Variants in CRISPLD1 observed in about 807,000 individuals in gnomAD.
CRISPLD1 encodes the protein cysteine rich secretory protein LCCL domain containing 1.
Under a neutral mutation model 77.5 loss-of-function variants are expected in CRISPLD1, and 60 were observed. The ratio of observed to expected loss-of-function variants is 0.77; its 90% CI spans 0.63 to 0.96. CRISPLD1 has a LOEUF of 0.96. Among genes scored for constraint, CRISPLD1 ranks in the 40% least tolerant of loss-of-function variants. CRISPLD1 has a pLI of 0.00. For missense variants in CRISPLD1, 623 were observed against 615.8 expected, an observed-to-expected ratio of 1.01 and a Z score of -0.12; for synonymous variants, 195 against 200.1, an observed-to-expected ratio of 0.97 and a Z score of 0.22.
In CRISPLD1 at chr8:75,012,904, C is replaced by A; in HGVS notation, c.392C>A (p.Thr131Lys). 1 of 1,611,498 alleles carries A rather than the reference C, an allele frequency of 6.2e-7. No individual in the cohort carries two copies. The highest frequency in any genetic ancestry group is 8.5e-7 in the Non-Finnish European group (1 of 1,178,620). Residue 131 changes from threonine (T) to lysine (K), a missense_variant, in exon 4 of 15, where the codon ACG (threonine) becomes AAG (lysine). Thr to Lys is a moderately conservative substitution (Grantham distance 78). Transcript: ENST00000262207. ...CTTTCTAATAGATATAGGCCCCCGA[C>A]GTTTCATGTACAATCGTGGTATGAT... ...GAHWGRYRPP[T>K]FHVQSWYDEV...
At chr8:75,002,494 A>G (rs896452706) in intron 2 of CRISPLD1, among the ~76,000 whole-genome samples, 2 of 151,212 alleles carry the variant, frequency 1.3e-5, no homozygotes, top group Admixed American at 6.6e-5. Context: ...AACAGTAAAA[A>G]AAAAAATAAT....
In CRISPLD1 at chr8:75,034,174, A is replaced by G. The variant is rs1229146373; in HGVS notation, c.*1932A>G. 2.6e-5 allele frequency: 4 copies of G among 152,096 alleles called. No individual in the cohort carries two copies. Among genetic ancestry groups the G allele is most frequent in the African/African-American group, 7.2e-5 (3 of 41,450 alleles). The allele number at this position is 152,096 out of a possible 1,614,324, so 9.4% of individuals were successfully genotyped here. On this transcript the variant is annotated 3_prime_UTR_variant, in exon 15 of 15. Coordinates refer to ENST00000262207, the MANE Select transcript of CRISPLD1 (RefSeq NM_031461.6). ...GTTTTCATTGCTGAAGAAAAACCAAACATTCTTGTAAAAACATTTAAGAAC... is the reference window on the plus strand; with the variant it reads ...GTTTTCATTGCTGAAGAAAAACCAAGCATTCTTGTAAAAACATTTAAGAAC...
intron 2 of CRISPLD1, among the ~76,000 whole-genome samples, chr8:74,989,760 T>A (rs760282914): frequency 3.9e-5 from 6 of 152,144 alleles, no homozygotes; most frequent in Non-Finnish European, 8.8e-5. Context: ...GCACCATTGG[T>A]CTATTTTTGT....
intron 5 of CRISPLD1, 130 bp downstream of exon 5, chr8:75,014,232 A>G (rs192604868): frequency 6.2e-6 from 4 of 641,078 alleles, no homozygotes; most frequent in Admixed American, 3.0e-5. Flanking sequence ...TGTTTATTTA[A>G]TATGGCAACA....
chr8:75,029,184 G>A (rs1758535384), intron 13 of CRISPLD1, among the ~76,000 whole-genome samples: 1 of 152,278 alleles, frequency 6.6e-6, no homozygotes, highest in African/African-American at 2.4e-5. Context: ...TTTAAGGTTG[G>A]CCTTCAGACT....
intron 12 of CRISPLD1, among the ~76,000 whole-genome samples, chr8:75,023,787 AGTGCGTGTGTGT>A (rs1813183489): frequency 7.8e-6 from 1 of 127,570 alleles, no homozygotes; most frequent in African/African-American, 3.4e-5. Context: ...TTTAGTGATG[AGTGCGTGTGTGT>A]GTGTGTGTGT....
chr8:75,002,266 A>G (rs1449994731), intron 2 of CRISPLD1, among the ~76,000 whole-genome samples: 4 of 150,872 alleles, frequency 2.7e-5, no homozygotes, highest in African/African-American at 9.8e-5. Context: ...CCATATAAAT[A>G]CCAGCAATGT....
chr8:74,994,620 C>G (rs1375222455), intron 2 of CRISPLD1, among the ~76,000 whole-genome samples: 1 of 152,208 alleles, frequency 6.6e-6, no homozygotes, highest in African/African-American at 2.4e-5. Context: ...CCTGCTGTTT[C>G]CTCACCTAGT....
intron 2 of CRISPLD1, chr8:75,000,053 A>G (rs1427982925): frequency 1.4e-6 from 1 of 725,066 alleles, no homozygotes; most frequent in Non-Finnish European, 1.7e-6. Flanking sequence ...AGATACAAGG[A>G]TAATGAGCTA....
At chr8:75,025,742 G>A (rs2128788418) in intron 13 of CRISPLD1, 121 bp downstream of exon 13, 1 of 394,078 alleles carries the variant, frequency 2.5e-6, no homozygotes, top group Non-Finnish European at 4.6e-6. Context: ...GTTAATGTGT[G>A]TTCTCAGAAG....
At chr8:74,993,599 T>A (rs954089833) in intron 2 of CRISPLD1, among the ~76,000 whole-genome samples, 1 of 152,132 alleles carries the variant, frequency 6.6e-6, no homozygotes, top group South Asian at 2.1e-4. Flanking sequence ...TTTTTGAAAA[T>A]TGCACCATAG....
intron 14 of CRISPLD1, among the ~76,000 whole-genome samples, chr8:75,031,567 C>CTGTG (rs755567610): frequency 1.9e-3 from 127 of 65,694 alleles, no homozygotes; most frequent in South Asian, 5.2e-3. Context: ...ATTGAATGCT[C>CTGTG]TGTGTGTGTG....
chr8:74,988,698 G>T (rs1812529917), intron 2 of CRISPLD1, among the ~76,000 whole-genome samples: 1 of 152,058 alleles, frequency 6.6e-6, no homozygotes, highest in Non-Finnish European at 1.5e-5. Flanking sequence ...AGCCAAGCAT[G>T]GTGGCATGTG....
intron 4 of CRISPLD1, among the ~76,000 whole-genome samples, chr8:75,013,567 C>T (rs1812973464): frequency 6.6e-6 from 1 of 151,990 alleles, no homozygotes; most frequent in Admixed American, 6.6e-5. Context: ...TACCTGATAA[C>T]CAGTGGCATG....
intron 12 of CRISPLD1, among the ~76,000 whole-genome samples, chr8:75,023,639 T>A (rs1168010550): frequency 6.6e-6 from 1 of 152,170 alleles, no homozygotes; most frequent in Non-Finnish European, 1.5e-5. Flanking sequence ...GCAAGGGTAG[T>A]TTCAACTGAA....
In CRISPLD1 at chr8:75,032,179, T is replaced by TCATA; in HGVS notation, c.1452-12_1452-11insCATA. On this transcript the variant is annotated splice_polypyrimidine_tract_variant and intron_variant, in intron 14 of 14. Transcript: ENST00000262207. ...CATCAATATACTTTTCATATATTTT[T>TCATA]TTTTTTTGCAGTTTACAGAATCCTC... The TCATA allele has an allele frequency of 6.3e-7, 1 of 1,586,086 alleles. No homozygotes were observed. The highest frequency in any genetic ancestry group is 1.1e-5 in the South Asian group (1 of 88,168).
chr8:75,022,542 T>G (rs60929233), intron 12 of CRISPLD1, among the ~76,000 whole-genome samples: 1 of 149,464 alleles, frequency 6.7e-6, no homozygotes, highest in African/African-American at 2.5e-5. Flanking sequence ...GAGCTGAGAT[T>G]GCGCCACTGC....
At chr8:74,997,058 T>C (rs963127671) in intron 2 of CRISPLD1, among the ~76,000 whole-genome samples, 1 of 152,174 alleles carries the variant, frequency 6.6e-6, no homozygotes, top group African/African-American at 2.4e-5. Context: ...AAAATTTGTT[T>C]TATTTTGAAT....
chr8:75,030,867 C>T (rs1053483549), intron 14 of CRISPLD1, among the ~76,000 whole-genome samples: 31 of 149,488 alleles, frequency 2.1e-4, no homozygotes, highest in African/African-American at 7.4e-4. Context: ...TATACACACA[C>T]ATATAGATAC....
Sources: allele counts gnomAD v4.1 joint callset (sites outside exome capture counted in the v4.1 genomes callset), GRCh38; gene constraint gnomAD v4.1.1; transcripts MANE v1.5; gene names NCBI Gene and HGNC (gene_info 2026-07-23, HGNC 2026-07-21).